BBOX1: variants seen among roughly 807,000 people sequenced by gnomAD.
The protein encoded by BBOX1 is gamma-butyrobetaine hydroxylase 1, also known as gamma-butyrobetaine dioxygenase.
BBOX1 carries 35 observed loss-of-function variants against 41.6 expected under a neutral mutation model. The ratio of observed to expected loss-of-function variants is 0.84; its 90% CI spans 0.64 to 1.11. BBOX1 has a LOEUF of 1.11. Ranked by LOEUF, BBOX1 falls within the 50% of genes most tolerant of loss-of-function variation. The pLI is 0.00. For missense variants in BBOX1, 458 were observed against 460.6 expected, an observed-to-expected ratio of 0.99 and a Z score of 0.05; for synonymous variants, 163 against 154.7, an observed-to-expected ratio of 1.05 and a Z score of -0.40.
chr11:27,065,863 C>A (rs1226946410), intron 4 of BBOX1, among the ~76,000 whole-genome samples: 1 of 152,096 alleles, frequency 6.6e-6, no homozygotes, highest in South Asian at 2.1e-4. Context: ...TACTTAACAA[C>A]TTCATAAGAC....
chr11:27,118,863 A>T lies in BBOX1; in HGVS notation c.640-786A>T, dbSNP rs1210058383. On this transcript the variant is annotated intron_variant, in intron 6 of 8. Transcript: ENST00000263182. ...CAAAATCTAAAAGGATTTAAAGAAC[A>T]CTGTGATCCTCCAAAAACAAAGTTA... Among the ~76,000 whole-genome samples the T allele has an allele frequency of 3.3e-5, 5 of 151,608 alleles. No individual in the cohort carries two copies. In the East Asian group the frequency reaches 9.8e-4, roughly 30 times the overall value.
At chr11:27,079,031 C>A (rs1900062) in intron 4 of BBOX1, among the ~76,000 whole-genome samples, 125,987 of 152,112 alleles carry the variant, frequency 0.83, 53,085 homozygotes, top group East Asian at 0.94. Context: ...AACATAAGAG[C>A]AAAGGCACGT....
chr11:27,095,586 C>T (rs1296828787), intron 5 of BBOX1, among the ~76,000 whole-genome samples: 1 of 151,864 alleles, frequency 6.6e-6, no homozygotes, highest in East Asian at 1.9e-4. Flanking sequence ...CATTTCTTAC[C>T]TGAATCTCTC....
At chr11:27,044,368 T>C (rs1416395810) in intron 2 of BBOX1, among the ~76,000 whole-genome samples, 1 of 152,290 alleles carries the variant, frequency 6.6e-6, no homozygotes, top group South Asian at 2.1e-4. Flanking sequence ...TTGCAAAAAT[T>C]TTCTCCCATT....
chr11:27,073,249 G>C (rs1298185545), intron 4 of BBOX1, among the ~76,000 whole-genome samples: 1 of 152,150 alleles, frequency 6.6e-6, no homozygotes, highest in Admixed American at 6.5e-5. Flanking sequence ...CAAAAAGTGG[G>C]TGAAGGATAT....
At chr11:27,081,100 T>G (rs143415947) in intron 4 of BBOX1, among the ~76,000 whole-genome samples, 61 of 152,254 alleles carry the variant, frequency 4.0e-4, no homozygotes, top group Admixed American at 3.4e-3. Flanking sequence ...CTTCAAACCT[T>G]GAGTTGTTAA....
rs1043141271 is a variant in BBOX1, at chr11:27,102,518, G to A, written c.533+9152G>A. Among the ~76,000 whole-genome samples the A allele has an allele frequency of 7.2e-5, 11 of 151,958 alleles. No homozygotes were observed. The South Asian group carries it at 2.3e-3, about 32-fold the overall frequency. On this transcript the variant is annotated intron_variant, in intron 5 of 8. Coordinates refer to ENST00000263182, the MANE Select transcript of BBOX1 (RefSeq NM_003986.3). The stretch of plus-strand genomic sequence containing the variant: ...TAATGGCTTTCCTAAGTTTTATGGT[G>A]TTCACTTCCTTTCTTTCCTGGTTTA...
At chr11:27,083,585 G>A (rs1296103828) in intron 4 of BBOX1, among the ~76,000 whole-genome samples, 2 of 151,948 alleles carry the variant, frequency 1.3e-5, no homozygotes, top group Non-Finnish European at 2.9e-5. Flanking sequence ...TCTTTAGCTT[G>A]GTGTTTCTTA....
At chr11:27,102,203 G>C (rs1858687353) in intron 5 of BBOX1, among the ~76,000 whole-genome samples, 1 of 151,990 alleles carries the variant, frequency 6.6e-6, no homozygotes, top group Non-Finnish European at 1.5e-5. Flanking sequence ...GGATGCATGT[G>C]GTTGATAATA....
At chr11:27,050,640 ATG>A (rs111818072) in intron 2 of BBOX1, among the ~76,000 whole-genome samples, 22,300 of 152,002 alleles carry the variant, frequency 0.15, 2,694 homozygotes, top group African/African-American at 0.34. Context: ...CTTTTTCAGA[ATG>A]TTAGTTGTTA....
intron 5 of BBOX1, among the ~76,000 whole-genome samples, chr11:27,107,694 A>T (rs1271894598): frequency 1.3e-5 from 2 of 152,074 alleles, no homozygotes; most frequent in East Asian, 1.9e-4. Flanking sequence ...CTTTTAAAAA[A>T]GTTCCTTCAT....
intron 4 of BBOX1, among the ~76,000 whole-genome samples, chr11:27,092,296 GA>G (rs1272786467): frequency 6.6e-6 from 1 of 151,854 alleles, no homozygotes; most frequent in African/African-American, 2.4e-5. Context: ...CACTTTTTAG[GA>G]AGGCTTACCT....
Position 27,127,694 on chromosome 11 carries a change from C to A in BBOX1, c.*241C>A, listed in dbSNP as rs1414230696. On this transcript the variant is annotated 3_prime_UTR_variant, in exon 9 of 9. Transcript: ENST00000263182. Reference sequence around the variant, plus strand: ...CTCTGTTGCATGCCTGCTCTAATTTCTTTTGCCCATATATGAGTATCTCCA... The same window carrying A: ...CTCTGTTGCATGCCTGCTCTAATTTATTTTGCCCATATATGAGTATCTCCA... The A allele has an allele frequency of 4.6e-6, 2 of 431,854 alleles. No homozygotes were observed. Among genetic ancestry groups the A allele is most frequent in the African/African-American group, 4.1e-5 (2 of 48,706 alleles). 26.8% of individuals were successfully genotyped at this position (431,854 alleles called of 1,614,324 possible).
chr11:27,126,659 G>T (rs908944955), intron 8 of BBOX1, among the ~76,000 whole-genome samples: 1 of 149,272 alleles, frequency 6.7e-6, no homozygotes, highest in Admixed American at 6.9e-5. Context: ...AAACTGAGAA[G>T]AAACATTTCT....
intron 5 of BBOX1, among the ~76,000 whole-genome samples, chr11:27,103,378 T>C (rs1858737385): frequency 6.6e-6 from 1 of 152,134 alleles, no homozygotes; most frequent in Non-Finnish European, 1.5e-5. Context: ...TTTTTTAGTA[T>C]CTATTCTGTT....
rs1046465676 is a variant in BBOX1 at position 27,105,116 on chromosome 11, G to T, written c.534-10336G>T. ...ACGTCACCATCATCAAAGACCAAAGGTAGATCAAACCACAAAGATGAGGAG... is the reference window on the plus strand; with the variant it reads ...ACGTCACCATCATCAAAGACCAAAGTTAGATCAAACCACAAAGATGAGGAG... On this transcript the variant is annotated intron_variant, in intron 5 of 8. Coordinates refer to ENST00000263182, the MANE Select transcript of BBOX1 (RefSeq NM_003986.3). Among the ~76,000 whole-genome samples, 3 of 152,192 alleles carry T rather than the reference G, an allele frequency of 2.0e-5. No individual in the cohort carries two copies. In the South Asian group the frequency reaches 6.2e-4, roughly 32 times the overall value.
intron 4 of BBOX1, among the ~76,000 whole-genome samples, chr11:27,087,812 T>C (rs1286726125): frequency 2.0e-5 from 3 of 152,048 alleles, no homozygotes; most frequent in Non-Finnish European, 4.4e-5. Flanking sequence ...TCAGCAAAAC[T>C]CCTAACTAGA....
intron 4 of BBOX1, among the ~76,000 whole-genome samples, chr11:27,083,718 T>C (rs1314462642): frequency 6.6e-6 from 1 of 152,200 alleles, no homozygotes; most frequent in African/African-American, 2.4e-5. Context: ...AATATTTATG[T>C]GTTTGCTTCC....
At chr11:27,104,529 T>G (rs1261389866) in intron 5 of BBOX1, among the ~76,000 whole-genome samples, 1 of 152,214 alleles carries the variant, frequency 6.6e-6, no homozygotes, top group Non-Finnish European at 1.5e-5. Flanking sequence ...TTTAAACCTC[T>G]CTCTTTACTT....
Sources: allele counts gnomAD v4.1 joint callset (sites outside exome capture counted in the v4.1 genomes callset), GRCh38; gene constraint gnomAD v4.1.1; transcripts MANE v1.5; gene names NCBI Gene and HGNC (gene_info 2026-07-23, HGNC 2026-07-21).